Variants in TRAPPC9 observed in about 807,000 individuals in gnomAD.
TRAPPC9 encodes the protein IKK2 binding protein.
A neutral mutation model predicts 124.0 loss-of-function variants in TRAPPC9; 83 were observed. The observed-to-expected ratio is 0.67, with a 90% CI of 0.56 to 0.80. The LOEUF (loss-of-function observed/expected upper bound fraction) is 0.80, where lower values mean the gene tolerates loss of function less well. Ranked by LOEUF, TRAPPC9 falls within the 30% of genes least tolerant of loss-of-function variation. The pLI is 0.00. For synonymous variants in TRAPPC9, 638 were observed against 617.5 expected (o/e 1.03, Z -0.49); for missense variants, 1,302 against 1,508.3 (o/e 0.86, Z 2.27).
intron 17 of TRAPPC9, among the ~76,000 whole-genome samples, chr8:140,165,822 G>T (rs1056814944): frequency 6.6e-6 from 1 of 152,042 alleles, no homozygotes; most frequent in Non-Finnish European, 1.5e-5. Context: ...ACTCTATCCT[G>T]GTGCCTCTGC....
chr8:140,169,338 G>A (rs1486272518), intron 17 of TRAPPC9, among the ~76,000 whole-genome samples: 2 of 152,114 alleles, frequency 1.3e-5, no homozygotes, highest in African/African-American at 4.8e-5. Flanking sequence ...CATGACTGGC[G>A]GAAATGGAAA....
chr8:140,017,718 A>C (rs1216344248), intron 18 of TRAPPC9, among the ~76,000 whole-genome samples: 1 of 152,182 alleles, frequency 6.6e-6, no homozygotes, highest in Non-Finnish European at 1.5e-5. Context: ...GTTCAATTTC[A>C]AAATAATTTT....
At chr8:139,889,128 C>T (rs754595229) in intron 20 of TRAPPC9, among the ~76,000 whole-genome samples, 4 of 152,170 alleles carry the variant, frequency 2.6e-5, no homozygotes, top group Non-Finnish European at 4.4e-5. Flanking sequence ...AAGAAAAGGA[C>T]ATTTTTGACA....
At chr8:140,223,180 C>G (rs1198797493) in intron 16 of TRAPPC9, among the ~76,000 whole-genome samples, 3 of 152,144 alleles carry the variant, frequency 2.0e-5, no homozygotes, top group African/African-American at 7.2e-5. Context: ...CTCACTCCAC[C>G]CCACAACAGG....
At chr8:140,113,163 G>A (rs1323380354) in intron 17 of TRAPPC9, among the ~76,000 whole-genome samples, 2 of 152,204 alleles carry the variant, frequency 1.3e-5, no homozygotes, top group Non-Finnish European at 2.9e-5. Context: ...AAGAGCACAG[G>A]CCCAGCAGTG....
At chr8:140,317,403 A>G (rs2066469454) in intron 9 of TRAPPC9, among the ~76,000 whole-genome samples, 1 of 152,156 alleles carries the variant, frequency 6.6e-6, no homozygotes, top group African/African-American at 2.4e-5. Context: ...AGGTCCCATT[A>G]TTCTTTGATC....
intron 17 of TRAPPC9, chr8:140,096,909 G>A (rs1432895383): frequency 6.6e-6 from 1 of 152,386 alleles, no homozygotes; most frequent in Non-Finnish European, 1.5e-5. Context: ...CCTATGCTGA[G>A]AAGTCAAGAA....
chr8:140,371,094 G>A lies in TRAPPC9; in HGVS notation c.1221C>T (p.Phe407=), dbSNP rs1422531071. Residue 407 remains phenylalanine (F), a synonymous_variant, in exon 8 of 23, where the codon TTC becomes TTT. Coordinates refer to ENST00000438773, the MANE Select transcript of TRAPPC9 (RefSeq NM_001160372.4). ...LIGFHRKSAF[F]KRVAAMQCVA... ...CGCACTGCATGGCGGCCACGCGCTT[G>A]AAGAACGCAGACTTGCGATGGAAGC... is the stretch of plus-strand genomic sequence containing the variant. The A allele has an allele frequency of 2.5e-6, 4 of 1,614,090 alleles. No homozygotes were observed. The highest frequency in any genetic ancestry group is 2.2e-5 in the South Asian group (2 of 91,096).
intron 21 of TRAPPC9, among the ~76,000 whole-genome samples, chr8:139,883,943 G>A (rs2131104057): frequency 6.6e-6 from 1 of 152,302 alleles, no homozygotes; most frequent in Non-Finnish European, 1.5e-5. Flanking sequence ...CAGCTCTTAT[G>A]CAAAATGCCT....
chr8:140,022,235 A>G (rs990082639), intron 18 of TRAPPC9, among the ~76,000 whole-genome samples: 1 of 152,244 alleles, frequency 6.6e-6, no homozygotes, highest in Non-Finnish European at 1.5e-5. Context: ...TTGCAGAGTC[A>G]TTGGGAGACA....
At chr8:140,397,161 T>C (rs564343627) in intron 7 of TRAPPC9, among the ~76,000 whole-genome samples, 1 of 152,374 alleles carries the variant, frequency 6.6e-6, no homozygotes, top group African/African-American at 2.4e-5. Flanking sequence ...GTTTTAATGA[T>C]TGTTTTATTA....
chr8:140,281,747 C>T (rs370297548), intron 14 of TRAPPC9, among the ~76,000 whole-genome samples: 6 of 152,202 alleles, frequency 3.9e-5, no homozygotes, highest in East Asian at 1.9e-4. Context: ...CTCAGGTCTA[C>T]GATCCCTTTT....
chr8:140,276,913 G>A (rs1271719439), intron 14 of TRAPPC9, among the ~76,000 whole-genome samples: 1 of 152,062 alleles, frequency 6.6e-6, no homozygotes, highest in Non-Finnish European at 1.5e-5. Context: ...AATTAGTCCA[G>A]CATACTTGAG....
At chr8:140,061,423 C>T (rs1017699110) in intron 17 of TRAPPC9, among the ~76,000 whole-genome samples, 3 of 152,164 alleles carry the variant, frequency 2.0e-5, no homozygotes, top group African/African-American at 7.2e-5. Flanking sequence ...GATGGATACA[C>T]AAGTCCGGTT....
rs554330261 is a variant in TRAPPC9 at position 140,210,540 on chromosome 8, C to A, written c.2556+10919G>T. Among the ~76,000 whole-genome samples, 43 of 152,268 alleles carry A rather than the reference C, an allele frequency of 2.8e-4. 2 individuals carry two copies. The South Asian group carries it at 8.1e-3, about 29-fold the overall frequency. On this transcript the variant is annotated intron_variant, in intron 17 of 22. Transcript: ENST00000438773. ...AAGCCTTCTCTCTTCCATGTCCCCC[C>A]ACGCCCCCGCTAGCTTCATCTCCCT...
At chr8:139,882,260 C>T (rs181965851) in intron 21 of TRAPPC9, among the ~76,000 whole-genome samples, 34 of 152,226 alleles carry the variant, frequency 2.2e-4, no homozygotes, top group African/African-American at 6.7e-4. Context: ...CCCAGAGCAA[C>T]GTGTGAGGTC....
chr8:139,845,687 G>A (rs531047602), intron 21 of TRAPPC9, among the ~76,000 whole-genome samples: 11 of 152,344 alleles, frequency 7.2e-5, no homozygotes, highest in South Asian at 2.1e-4. Context: ...CCAGGGCAAC[G>A]GCAGAGGTAC....
chr8:140,346,665 G>A (rs1247912640), intron 9 of TRAPPC9, among the ~76,000 whole-genome samples: 2 of 152,176 alleles, frequency 1.3e-5, no homozygotes, highest in African/African-American at 4.8e-5. Flanking sequence ...GGGAGGAGGA[G>A]AATTATTAGT....
chr8:140,114,948 G>A (rs2060851362), intron 17 of TRAPPC9, among the ~76,000 whole-genome samples: 1 of 152,158 alleles, frequency 6.6e-6, no homozygotes, highest in Admixed American at 6.5e-5. Flanking sequence ...CTGAGAGCTG[G>A]GTCTGTGCTA....
Sources: allele counts gnomAD v4.1 joint callset (sites outside exome capture counted in the v4.1 genomes callset), GRCh38; gene constraint gnomAD v4.1.1; transcripts MANE v1.5; gene names NCBI Gene and HGNC (gene_info 2026-07-23, HGNC 2026-07-21).